Variants in TYSND1 observed in about 807,000 individuals in gnomAD.
The protein encoded by TYSND1 is peroxisomal leader peptide-processing protease.
A neutral mutation model predicts 37.2 loss-of-function variants in TYSND1; 30 were observed. That is an observed-to-expected ratio of 0.81 (90% CI 0.60 to 1.09). The LOEUF (loss-of-function observed/expected upper bound fraction) is 1.09, where lower values mean the gene tolerates loss of function less well. Among genes scored for constraint, TYSND1 ranks in the 50% least tolerant of loss-of-function variants. TYSND1 has a pLI of 0.00. For missense variants in TYSND1, 806 were observed against 817.4 expected (o/e 0.99, Z 0.17); for synonymous variants, 364 against 383.8 (o/e 0.95, Z 0.60).
chr10:70,142,021 A>G (rs561830133), intron 3 of TYSND1, among the ~76,000 whole-genome samples: 1 of 152,250 alleles, frequency 6.6e-6, no homozygotes, highest in Non-Finnish European at 1.5e-5. Context: ...ATTGTAGACA[A>G]CAAGAGCAAG....
chr10:70,141,328 T>G (rs559691894), intron 3 of TYSND1, among the ~76,000 whole-genome samples: 1 of 150,398 alleles, frequency 6.6e-6, no homozygotes, highest in Admixed American at 6.7e-5. Context: ...ATGGTGACCA[T>G]AGTTCACTGC....
At position 70,140,112 on chromosome 10, in the gene TYSND1, T is replaced by A. The variant is rs1022171841; in HGVS notation, c.1513A>T (p.Asn505Tyr). 1.9e-6 allele frequency: 3 copies of A among 1,612,702 alleles called. No homozygotes were observed. Among genetic ancestry groups the A allele is most frequent in the African/African-American group, 2.7e-5 (2 of 74,854 alleles). ...AGGTGGGGGTAGGTGGCCCCCGTATTATTGTCCCGGGTGTTGCTGGTGATT... is the reference window on the plus strand; with the variant it reads ...AGGTGGGGGTAGGTGGCCCCCGTATAATTGTCCCGGGTGTTGCTGGTGATT... The part of the protein sequence containing the change: ...GIITSNTRDN[N>Y]TGATYPHLNF... Residue 505 changes from asparagine to tyrosine, a missense_variant, in exon 4 of 4, where the codon AAT becomes TAT. Around this residue, in one of 3 missense-constraint regions of TYSND1, gnomAD observed 708 missense variants for 705.4 expected, o/e 1.00. Coordinates refer to ENST00000287078, the MANE Select transcript of TYSND1 (RefSeq NM_173555.4).
Position 70,142,715 on chromosome 10 carries a change from C to A in TYSND1, c.1436G>T (p.Gly479Val). ...MLQTTCAVHS[G>V]SSGGPLFSNH... ...GGAGAAGAGGGGTCCCCCACTGGAGCCGCTGTGCACAGCACACGTGGTCTG... is the reference window on the plus strand; with the variant it reads ...GGAGAAGAGGGGTCCCCCACTGGAGACGCTGTGCACAGCACACGTGGTCTG... Residue 479 changes from glycine (G) to valine (V), a missense_variant, in exon 3 of 4, where the codon GGC becomes GTC. By Grantham distance (109) the Gly-to-Val change is moderately radical. Transcript: ENST00000287078. The A allele has an allele frequency of 2.5e-6, 4 of 1,610,542 alleles. No individual in the cohort carries two copies. The highest frequency in any genetic ancestry group is 3.4e-6 in the Non-Finnish European group (4 of 1,178,256).
In TYSND1 at chr10:70,145,872, T is replaced by G. The variant is rs1166621779; in HGVS notation, c.715A>C (p.Ser239Arg). The change falls in exon 1 of 4, where the codon AGC becomes CGC. Residue 239 changes from serine (S) to arginine (R), a missense_variant. Coordinates refer to ENST00000287078, the MANE Select transcript of TYSND1 (RefSeq NM_173555.4). Reference sequence around the variant, plus strand: ...GCCACGTTGCTGAGCACCCCGCAGCTCAGCGTGTTGAGAAAGATGTCGGGG... The same window carrying G: ...GCCACGTTGCTGAGCACCCCGCAGCGCAGCGTGTTGAGAAAGATGTCGGGG... ...FCPDIFLNTL[S>R]CGVLSNVAGP... The G allele has an allele frequency of 3.8e-5, 58 of 1,546,188 alleles. No homozygotes were observed. The highest frequency in any genetic ancestry group is 2.0e-5 in the Admixed American group (1 of 50,840).
rs74738400 is a variant in TYSND1 at position 70,138,250 on chromosome 10, A to C, written c.*1674T>G. The C allele has an allele frequency of 0.036, 5,510 of 152,272 alleles. 124 individuals are homozygous for C. Among genetic ancestry groups the C allele is most frequent in the East Asian group, 0.057 (297 of 5,172 alleles). 9.4% of individuals were successfully genotyped at this position (152,272 alleles called of 1,614,324 possible). On this transcript the variant is annotated 3_prime_UTR_variant, in exon 4 of 4. Coordinates refer to ENST00000287078, the MANE Select transcript of TYSND1 (RefSeq NM_173555.4). ...AAGGTCTTTAGGACCCACTGTGAAA[A>C]AGGTGGGCGAACATTAGTGAAAGGA...
At chr10:70,144,037 G>A (rs1388088934) in intron 1 of TYSND1, 65 bp from the exon 2 acceptor site, 2 of 1,599,454 alleles carry the variant, frequency 1.3e-6, no homozygotes, top group South Asian at 1.1e-5. Context: ...GAGAAATCAA[G>A]GAGCTGAGAG....
At position 70,146,468 on chromosome 10, in the gene TYSND1, C is replaced by A; in HGVS notation, c.119G>T (p.Ser40Ile). Residue 40 changes from serine to isoleucine, a missense_variant, in exon 1 of 4, where the codon AGC (serine) becomes ATC (isoleucine). Transcript: ENST00000287078. ...GPWSCSGVIL[S>I]RSPGLVLCHG... Reference sequence around the variant, plus strand: ...GCAAAGCACCAGGCCCGGGCTACGGCTCAGGATTACCCCGCTGCAGCTCCA... The same window carrying A: ...GCAAAGCACCAGGCCCGGGCTACGGATCAGGATTACCCCGCTGCAGCTCCA... 6.2e-7 allele frequency: 1 copy of A among 1,603,280 alleles called. No homozygotes were observed. Among genetic ancestry groups the A allele is most frequent in the Non-Finnish European group, 8.5e-7 (1 of 1,178,694 alleles).
At position 70,145,783 on chromosome 10, in the gene TYSND1, G is replaced by T. The variant is rs1283101998; in HGVS notation, c.804C>A (p.Thr268=). The T allele has an allele frequency of 1.4e-6, 2 of 1,468,946 alleles. No individual in the cohort carries two copies. Among genetic ancestry groups the T allele is most frequent in the Non-Finnish European group, 8.9e-7 (1 of 1,118,464 alleles). 91.0% of individuals were successfully genotyped at this position (1,468,946 alleles called of 1,614,324 possible). ...CCACCAGCGCCCCCGCGGGCCGCGC[G>T]GTGAACACGCCGCCGCCCTCGGTGC... is the stretch of plus-strand genomic sequence containing the variant. ...LPGTEGGGVF[T]ARPAGALVAL... is the part of the protein sequence containing the mutation. Residue 268 remains threonine, a synonymous_variant, in exon 1 of 4, where the codon ACC becomes ACA. Coordinates refer to ENST00000287078, the MANE Select transcript of TYSND1 (RefSeq NM_173555.4).
chr10:70,143,938 T>G lies in TYSND1; in HGVS notation c.1201A>C (p.Thr401Pro), dbSNP rs775623264. Residue 401 changes from threonine (T) to proline (P), a missense_variant, in exon 2 of 4, where the codon ACT becomes CCT. By Grantham distance (38) the Thr-to-Pro change is conservative. This residue lies in a region of TYSND1 where 708 missense variants were observed against 705.4 expected (regional missense o/e 1.00). Transcript: ENST00000287078. ...VAIWGRVVFA[T>P]QETCPYDIAV... ...ATGTCATAGGGACATGTCTCCTGAGTGGCAAATACCACACGGCCCCAGATG... is the reference window on the plus strand; with the variant it reads ...ATGTCATAGGGACATGTCTCCTGAGGGGCAAATACCACACGGCCCCAGATG... 1.3e-5 allele frequency: 21 copies of G among 1,614,198 alleles called. No individual in the cohort carries two copies. In the South Asian group the frequency reaches 2.2e-4, roughly 17 times the overall value.
At position 70,140,071 on chromosome 10, in the gene TYSND1, G is replaced by A. The variant is rs766912909; in HGVS notation, c.1554C>T (p.Pro518=). 1.5e-5 allele frequency: 25 copies of A among 1,614,024 alleles called. No homozygotes were observed. The highest frequency in any genetic ancestry group is 3.3e-5 in the Admixed American group (2 of 60,000). The part of the protein sequence containing the change: ...ATYPHLNFSI[P]ITVLQPALQQ... Reference sequence around the variant, plus strand: ...GCAGGGCCGGCTGGAGCACCGTGATGGGAATGCTGAAGTTCAGGTGGGGGT... The same window carrying A: ...GCAGGGCCGGCTGGAGCACCGTGATAGGAATGCTGAAGTTCAGGTGGGGGT... Residue 518 remains proline, a synonymous_variant, in exon 4 of 4, where the codon CCC becomes CCT. Transcript: ENST00000287078.
chr10:70,144,253 C>T (rs1014397983), intron 1 of TYSND1: 5 of 406,518 alleles, frequency 1.2e-5, no homozygotes, highest in Non-Finnish European at 2.1e-5. Context: ...GTGGACATCA[C>T]TTTATTTAGT....
In TYSND1 at chr10:70,140,066, G is replaced by C; in HGVS notation, c.1559C>G (p.Thr520Arg). 3 of 1,614,158 alleles carry C rather than the reference G, an allele frequency of 1.9e-6. No homozygotes were observed. The highest frequency in any genetic ancestry group is 2.5e-6 in the Non-Finnish European group (3 of 1,179,992). Residue 520 changes from threonine to arginine, a missense_variant, in exon 4 of 4, where the codon ACG becomes AGG. Physicochemically the swap from Thr to Arg is moderately conservative, Grantham distance 71 (BLOSUM62 -1). Around this residue, in one of 3 missense-constraint regions of TYSND1, gnomAD observed 708 missense variants for 705.4 expected, o/e 1.00. Transcript: ENST00000287078. Reference sequence around the variant, plus strand: ...CTGCTGCAGGGCCGGCTGGAGCACCGTGATGGGAATGCTGAAGTTCAGGTG... The same window carrying C: ...CTGCTGCAGGGCCGGCTGGAGCACCCTGATGGGAATGCTGAAGTTCAGGTG... ...YPHLNFSIPI[T>R]VLQPALQQYS...
At chr10:70,145,349 CAA>C (rs1165214997) in intron 1 of TYSND1, 70 bp downstream of exon 1, 1 of 1,297,734 alleles carries the variant, frequency 7.7e-7, no homozygotes, top group Non-Finnish European at 9.9e-7. Flanking sequence ...GCACAATACT[CAA>C]GAGTATTAGG....
Position 70,145,940 on chromosome 10 carries a change from C to G in TYSND1, c.647G>C (p.Gly216Ala). Residue 216 changes from glycine to alanine, a missense_variant, in exon 1 of 4, where the codon GGT (glycine) becomes GCT (alanine). Gly to Ala is a moderately conservative substitution (Grantham distance 60, BLOSUM62 0). This residue lies in a region of TYSND1 where 708 missense variants were observed against 705.4 expected (regional missense o/e 1.00). Transcript: ENST00000287078. Reference sequence around the variant, plus strand: ...GGAGCCGCAGACCAGCAATGGCGCACCCTTGGGCACGGCCCCGAGAGGCGA... The same window carrying G: ...GGAGCCGCAGACCAGCAATGGCGCAGCCTTGGGCACGGCCCCGAGAGGCGA... Reference protein sequence around the residue: ...AVSPLGAVPKGAPLLVCGSPF... With the variant: ...AVSPLGAVPKAAPLLVCGSPF... The G allele has an allele frequency of 2.6e-6, 4 of 1,554,458 alleles. No homozygotes were observed. Among genetic ancestry groups the G allele is most frequent in the Non-Finnish European group, 3.5e-6 (4 of 1,150,116 alleles).
chr10:70,140,202 G>T, intron 3 of TYSND1, 61 bp from the exon 4 acceptor site: 5 of 1,433,938 alleles, frequency 3.5e-6, no homozygotes, highest in Non-Finnish European at 4.8e-6. Flanking sequence ...GCTGGAGAAG[G>T]GAGGAGGACC....
Position 70,142,732 on chromosome 10 carries a change from CGT to C in TYSND1, c.1417_1418del (p.Thr473ValfsTer32). The C allele has an allele frequency of 6.2e-7, 1 of 1,613,524 alleles. No homozygotes were observed. Among genetic ancestry groups the C allele is most frequent in the Non-Finnish European group, 8.5e-7 (1 of 1,179,820 alleles). On this transcript the variant is annotated frameshift_variant, in exon 3 of 4. Coordinates refer to ENST00000287078, the MANE Select transcript of TYSND1 (RefSeq NM_173555.4). LOFTEE classifies it high-confidence loss of function. ...CACTGGAGCCGCTGTGCACAGCACA[CGT>C]GGTCTGCAGCATTACGGGCGTGCCA... The part of the protein sequence containing the change: ...VNGTPVMLQT[T>X]CAVHSGSSGG...
intron 2 of TYSND1, among the ~76,000 whole-genome samples, 162 bp downstream of exon 2, chr10:70,143,680 G>A (rs2072825296): frequency 1.3e-5 from 2 of 152,168 alleles, no homozygotes; most frequent in Admixed American, 6.5e-5. Flanking sequence ...TCCTTCCCAG[G>A]GCACTCCATG....
intron 3 of TYSND1, among the ~76,000 whole-genome samples, chr10:70,140,634 C>G (rs1340730381): frequency 6.6e-6 from 1 of 152,220 alleles, no homozygotes; most frequent in Non-Finnish European, 1.5e-5. Context: ...TTCAGACATA[C>G]AGAAGTCTTG....
rs1262812864 is a variant in TYSND1, at chr10:70,139,986, G to A, written c.1639C>T (p.Pro547Ser). The A allele has an allele frequency of 1.2e-6, 2 of 1,614,168 alleles. No homozygotes were observed. The highest frequency in any genetic ancestry group is 1.3e-5 in the African/African-American group (1 of 75,070). The change falls in exon 4 of 4, where the codon CCA (proline) becomes TCA (serine). Residue 547 changes from proline (P) to serine (S), a missense_variant. Pro to Ser is a moderately conservative substitution (Grantham distance 74). Around this residue, in one of 3 missense-constraint regions of TYSND1, gnomAD observed 708 missense variants for 705.4 expected, o/e 1.00. Transcript: ENST00000287078. The part of the protein sequence containing the change: ...GLRELDRAAE[P>S]VRVVWRLQRP... ...TGCAACCGCCACACCACCCTGACTG[G>A]CTCAGCAGCGCGGTCCAGCTCACGG... is the stretch of plus-strand genomic sequence containing the variant.
Sources: allele counts gnomAD v4.1 joint callset (sites outside exome capture counted in the v4.1 genomes callset), GRCh38; gene constraint gnomAD v4.1.1; regional missense constraint gnomAD v4.1.1; transcripts MANE v1.5; gene names NCBI Gene and HGNC (gene_info 2026-07-23, HGNC 2026-07-21).